FZR1: variants seen among roughly 807,000 people sequenced by gnomAD.
The protein encoded by FZR1 is fizzy and cell division cycle 20 related 1, also known as fizzy-related protein homolog.
FZR1 carries 11 observed loss-of-function variants against 63.6 expected under a neutral mutation model. The ratio of observed to expected loss-of-function variants is 0.17; its 90% CI spans 0.11 to 0.29. The LOEUF (loss-of-function observed/expected upper bound fraction) is 0.29. Among genes scored for constraint, FZR1 ranks in the 10% least tolerant of loss-of-function variants. The pLI is 1.00. For missense variants in FZR1, 440 were observed against 687.5 expected (o/e 0.64, Z 4.03); for synonymous variants, 328 against 297.9 (o/e 1.10, Z -1.04).
rs1014862319 is a variant in FZR1, at chr19:3,525,021, A to C, written c.70-847A>C. ...GCTGATAACAGACCCCTCATAGAAA[A>C]AAGACGGCGCGGGGACAGTCAGATG... On this transcript the variant is annotated intron_variant, in intron 2 of 13. Transcript: ENST00000441788. The surrounding 1 kb of genome is among the most constrained non-coding windows in gnomAD (Gnocchi z 4.2). Among the ~76,000 whole-genome samples, 1 of 152,052 alleles carries C rather than the reference A, an allele frequency of 6.6e-6. No individual in the cohort carries two copies. The highest frequency in any genetic ancestry group is 2.4e-5 in the African/African-American group (1 of 41,388).
Position 3,533,152 on chromosome 19 carries a change from C to T in FZR1, c.1243-142C>T. 3.1e-6 allele frequency: 2 copies of T among 655,126 alleles called. No individual in the cohort carries two copies. The highest frequency in any genetic ancestry group is 1.7e-5 in the South Asian group (1 of 58,982). 40.6% of individuals were successfully genotyped at this position (655,126 alleles called of 1,614,324 possible). A position where few individuals can be genotyped will look rare whatever the true frequency, so the allele number is the denominator to read the frequency against. ...TAGACAGACTCAGGTGGCAGAGCCA[C>T]ATCCCAGCATCCCCTGCTCCTCCTG... On this transcript the variant is annotated intron_variant, in intron 11 of 13. Transcript: ENST00000441788. This position sits in a 1 kb window ranked among gnomAD's most constrained non-coding sequence, Gnocchi z 4.9.
intron 11 of FZR1, among the ~76,000 whole-genome samples, 154 bp downstream of exon 11, chr19:3,532,804 T>G (rs2083261474): frequency 6.6e-6 from 1 of 152,118 alleles, no homozygotes; most frequent in South Asian, 2.1e-4. Flanking sequence ...CAGGGAGTTG[T>G]GGGGGGCAAG....
At position 3,531,951 on chromosome 19, in the gene FZR1, C is replaced by T; in HGVS notation, c.864C>T (p.Ser288=). The change falls in exon 10 of 14, where the codon AGC becomes AGT. Residue 288 remains serine (S), a synonymous_variant. Coordinates refer to ENST00000441788, the MANE Select transcript of FZR1 (RefSeq NM_016263.4). ...AWNAEQLSSG[S]RDRMILQRDI... Reference sequence around the variant, plus strand: ...ATGCTGAGCAGCTGTCGTCCGGGAGCCGCGACCGCATGATCCTGCAGAGGG... The same window carrying T: ...ATGCTGAGCAGCTGTCGTCCGGGAGTCGCGACCGCATGATCCTGCAGAGGG... The T allele has an allele frequency of 1.3e-6, 2 of 1,589,084 alleles. No individual in the cohort carries two copies. Among genetic ancestry groups the T allele is most frequent in the Middle Eastern group, 1.8e-4 (1 of 5,630 alleles).
At position 3,533,223 on chromosome 19, in the gene FZR1, A is replaced by T; in HGVS notation, c.1243-71A>T. On this transcript the variant is annotated intron_variant, in intron 11 of 13. Transcript: ENST00000441788. This position sits in a 1 kb window ranked among gnomAD's most constrained non-coding sequence, Gnocchi z 4.9. ...CTCTCACATGGGCTCAGGCGGGTGC[A>T]TGTGAGGCAGCAGGCATAGCACCCG... 1.1e-6 allele frequency: 1 copy of T among 923,776 alleles called. No individual in the cohort carries two copies. Among genetic ancestry groups the T allele is most frequent in the Non-Finnish European group, 1.8e-6 (1 of 562,110 alleles). 57.2% of individuals were successfully genotyped at this position (923,776 alleles called of 1,614,324 possible).
Position 3,526,513 on chromosome 19 carries a change from C to T in FZR1, c.387+127C>T, listed in dbSNP as rs1351968960. The T allele has an allele frequency of 2.9e-5, 20 of 690,942 alleles. No individual in the cohort carries two copies. Among genetic ancestry groups the T allele is most frequent in the Middle Eastern group, 4.0e-4 (1 of 2,488 alleles). 42.8% of individuals were successfully genotyped at this position (690,942 alleles called of 1,614,324 possible). On this transcript the variant is annotated intron_variant, in intron 5 of 13. Coordinates refer to ENST00000441788, the MANE Select transcript of FZR1 (RefSeq NM_016263.4). This position sits in a 1 kb window ranked among gnomAD's most constrained non-coding sequence, Gnocchi z 5.4. ...GGGCCCAGCCACGGCTCAGCACCCC[C>T]GCCCTGACCCTGTTCCTTAGCCAGG...
chr19:3,526,968 C>T lies in FZR1; in HGVS notation c.388-12C>T, dbSNP rs1599784859. ...GGGCGTGCGCTCAGCTGGCATGTCC[C>T]CCGCTCCACAGTATTCCCTTAGCAC... On this transcript the variant is annotated splice_polypyrimidine_tract_variant and intron_variant, in intron 5 of 13. Transcript: ENST00000441788. This position sits in a 1 kb window ranked among gnomAD's most constrained non-coding sequence, Gnocchi z 5.4. The T allele has an allele frequency of 5.6e-6, 9 of 1,603,244 alleles. No homozygotes were observed. Among genetic ancestry groups the T allele is most frequent in the Non-Finnish European group, 6.8e-6 (8 of 1,172,648 alleles).
chr19:3,532,774 A>T, intron 11 of FZR1, 124 bp downstream of exon 11: 1 of 714,510 alleles, frequency 1.4e-6, no homozygotes. Flanking sequence ...GAGATGGGCG[A>T]GGGAGGCCGA....
In FZR1 at chr19:3,526,361, C is replaced by T. The variant is rs567376375; in HGVS notation, c.362C>T (p.Thr121Met). 6.3e-6 allele frequency: 10 copies of T among 1,597,110 alleles called. No homozygotes were observed. The highest frequency in any genetic ancestry group is 2.2e-5 in the South Asian group (2 of 89,060). The change falls in exon 5 of 14, where the codon ACG becomes ATG. Residue 121 changes from threonine (T) to methionine (M), a missense_variant. Transcript: ENST00000441788. The surrounding 1 kb of genome is among the most constrained non-coding windows in gnomAD (Gnocchi z 5.4). ...GAGGACCGCAGGCTGCAGCCCTCCA[C>T]GCCTGAGAAGAAGGGTCTGTTCACG... is the stretch of plus-strand genomic sequence containing the variant. ...QTEDRRLQPS[T>M]PEKKGLFTYS...
In FZR1 at chr19:3,525,027, G is replaced by C. The variant is rs1358799712; in HGVS notation, c.70-841G>C. The stretch of plus-strand genomic sequence containing the variant: ...AACAGACCCCTCATAGAAAAAAGAC[G>C]GCGCGGGGACAGTCAGATGGGGTTG... On this transcript the variant is annotated intron_variant, in intron 2 of 13. Transcript: ENST00000441788. The surrounding 1 kb of genome is among the most constrained non-coding windows in gnomAD (Gnocchi z 4.2). Among the ~76,000 whole-genome samples, 1 of 152,088 alleles carries C rather than the reference G, an allele frequency of 6.6e-6. No homozygotes were observed.
In FZR1 at chr19:3,537,614, G is replaced by C. The variant is rs1198131110; in HGVS notation, c.*2778G>C. 6.5e-6 allele frequency: 1 copy of C among 153,004 alleles called. No individual in the cohort carries two copies. Among genetic ancestry groups the C allele is most frequent in the Non-Finnish European group, 1.5e-5 (1 of 68,666 alleles). 9.5% of individuals were successfully genotyped at this position (153,004 alleles called of 1,614,324 possible). On this transcript the variant is annotated 3_prime_UTR_variant, in exon 14 of 14. Transcript: ENST00000441788. The stretch of plus-strand genomic sequence containing the variant: ...GAATGGCTGGGAAGTGGCTGAGGGA[G>C]CCAGGAGGCCGGGGGGCCGGGGGCT...
At chr19:3,524,610 C>T (rs543800994) in intron 2 of FZR1, among the ~76,000 whole-genome samples, 12 of 152,288 alleles carry the variant, frequency 7.9e-5, no homozygotes, top group South Asian at 4.1e-4. Context: ...CCAGAGAGGC[C>T]GCAGACGGGG....
intron 1 of FZR1, among the ~76,000 whole-genome samples, chr19:3,518,252 G>GA (rs1353710449): frequency 1.3e-5 from 2 of 152,114 alleles, no homozygotes; most frequent in Non-Finnish European, 2.9e-5. Flanking sequence ...GAGCTCAGGT[G>GA]ATCTGTCCAC....
intron 7 of FZR1, among the ~76,000 whole-genome samples, chr19:3,528,656 T>C (rs2083188423): frequency 6.6e-6 from 1 of 150,774 alleles, no homozygotes; most frequent in African/African-American, 2.5e-5. Flanking sequence ...GGAGAGTGGA[T>C]GGGAGAATGG....
rs1344429962 is a variant in FZR1 at position 3,525,776 on chromosome 19, G to C, written c.70-92G>C. 17 of 1,474,068 alleles carry C rather than the reference G, an allele frequency of 1.2e-5. No individual in the cohort carries two copies. Among genetic ancestry groups the C allele is most frequent in the African/African-American group, 2.8e-5 (2 of 71,740 alleles). 91.3% of individuals were successfully genotyped at this position (1,474,068 alleles called of 1,614,324 possible). ...GGTTTTCAAGATCAAAGCCCCCTTT[G>C]CTCAGTGGCCAGAGGCTGAGAGAGG... On this transcript the variant is annotated intron_variant, in intron 2 of 13. Coordinates refer to ENST00000441788, the MANE Select transcript of FZR1 (RefSeq NM_016263.4). The surrounding 1 kb of genome is among the most constrained non-coding windows in gnomAD (Gnocchi z 4.2).
chr19:3,508,767 T>A (rs570896177), intron 1 of FZR1, among the ~76,000 whole-genome samples: 29 of 152,336 alleles, frequency 1.9e-4, no homozygotes, highest in Middle Eastern at 3.4e-3. Flanking sequence ...CACTGCCCAA[T>A]TCTGTCCCCA....
chr19:3,534,602 C>A, intron 13 of FZR1, 89 bp downstream of exon 13: 2 of 968,242 alleles, frequency 2.1e-6, no homozygotes, highest in African/African-American at 1.6e-5. Context: ...GCGTACCCTC[C>A]TCTGGGTTCC....
At chr19:3,511,948 T>C (rs10403057) in intron 1 of FZR1, among the ~76,000 whole-genome samples, 89,184 of 152,028 alleles carry the variant, frequency 0.59, 28,433 homozygotes, top group East Asian at 0.84. Flanking sequence ...TGTGCCTCAG[T>C]GGTCTCTCCG....
intron 1 of FZR1, among the ~76,000 whole-genome samples, chr19:3,511,534 C>T (rs1191591823): frequency 6.9e-6 from 1 of 144,536 alleles, no homozygotes; most frequent in Non-Finnish European, 1.5e-5. Context: ...GAGACCCTGA[C>T]CCCCATCTCT....
intron 1 of FZR1, among the ~76,000 whole-genome samples, chr19:3,512,779 A>G (rs949404586): frequency 7.2e-5 from 11 of 152,112 alleles, no homozygotes; most frequent in Admixed American, 6.5e-4. Context: ...CGAGAGAGCC[A>G]TCTAGAGTCC....
Sources: gnomAD v4.1 joint callset for allele counts (sites outside exome capture counted in the v4.1 genomes callset) on GRCh38, gnomAD v4.1.1 for gene constraint, Gnocchi (gnomAD v3.1) non-coding constraint, MANE v1.5 for transcripts, NCBI Gene and HGNC (gene_info 2026-07-23, HGNC 2026-07-21) for gene names.